The following CACNA2D3 variants were observed in gnomAD, a reference collection of about 807,000 sequenced individuals.
CACNA2D3 encodes the protein calcium voltage-gated channel auxiliary subunit alpha2delta 3, also known as voltage-dependent calcium channel subunit alpha-2/delta-3.
In CACNA2D3, 60 loss-of-function variants were observed where a neutral mutation model predicts 160.6. That is an observed-to-expected ratio of 0.37 (90% confidence interval 0.30 to 0.46). The LOEUF (loss-of-function observed/expected upper bound fraction) is 0.46, where lower values mean the gene tolerates loss of function less well. Ranked by LOEUF, CACNA2D3 falls within the 20% of genes least tolerant of loss-of-function variation. The probability of loss-of-function intolerance (pLI) is 1.00; values close to 1 mark genes in which losing one functional copy is unlikely to be tolerated. For missense variants in CACNA2D3, 1,205 were observed against 1,365.0 expected, an observed-to-expected ratio of 0.88 and a Z score of 1.85; for synonymous variants, 558 against 492.9, an observed-to-expected ratio of 1.13 and a Z score of -1.75.
intron 35 of CACNA2D3, among the ~76,000 whole-genome samples, chr3:55,040,337 A>T (rs568091886): frequency 1.3e-5 from 2 of 152,290 alleles, no homozygotes; most frequent in Admixed American, 1.3e-4. Flanking sequence ...TTACACTAAA[A>T]ATCTCACTTC....
At chr3:54,392,206 T>A (rs1699294151) in intron 4 of CACNA2D3, among the ~76,000 whole-genome samples, 1 of 152,178 alleles carries the variant, frequency 6.6e-6, no homozygotes. Context: ...TTGATGAATT[T>A]CCAGAAAATT....
chr3:54,406,281 TAGAG>T (rs1699574997), intron 4 of CACNA2D3, among the ~76,000 whole-genome samples: 1 of 152,080 alleles, frequency 6.6e-6, no homozygotes, highest in African/African-American at 2.4e-5. Flanking sequence ...ATAGCCATGA[TAGAG>T]AAACAACCTA....
chr3:54,128,477 T>A (rs370289985), intron 2 of CACNA2D3, among the ~76,000 whole-genome samples: 2 of 152,172 alleles, frequency 1.3e-5, no homozygotes, highest in East Asian at 3.9e-4. Context: ...CCCACTTACA[T>A]TGATCAATCC....
chr3:54,815,749 A>G (rs1160054031), intron 13 of CACNA2D3, among the ~76,000 whole-genome samples: 1 of 152,216 alleles, frequency 6.6e-6, no homozygotes, highest in Non-Finnish European at 1.5e-5. Context: ...TCTGTAAAAC[A>G]GGGATACCTA....
At chr3:55,041,568 A>G (rs1703960958) in intron 35 of CACNA2D3, among the ~76,000 whole-genome samples, 1 of 152,174 alleles carries the variant, frequency 6.6e-6, no homozygotes, top group African/African-American at 2.4e-5. Flanking sequence ...TTATAATGAA[A>G]TGTGTTGCAA....
At chr3:55,003,489 A>C (rs1017553882) in intron 31 of CACNA2D3, among the ~76,000 whole-genome samples, 2 of 152,170 alleles carry the variant, frequency 1.3e-5, no homozygotes, top group African/African-American at 2.4e-5. Flanking sequence ...AAGGCACACA[A>C]AATTTATTTT....
intron 2 of CACNA2D3, among the ~76,000 whole-genome samples, chr3:54,149,350 C>A (rs1222651552): frequency 6.6e-6 from 1 of 152,082 alleles, no homozygotes; most frequent in Non-Finnish European, 1.5e-5. Context: ...CCACCAGCCA[C>A]CTCTTGGCTG....
intron 13 of CACNA2D3, among the ~76,000 whole-genome samples, chr3:54,791,520 A>G (rs1702757638): frequency 6.6e-6 from 1 of 152,246 alleles, no homozygotes; most frequent in African/African-American, 2.4e-5. Context: ...TCTAGCTTTT[A>G]ACCAAACCGT....
intron 8 of CACNA2D3, 103 bp from the exon 9 acceptor site, chr3:54,581,700 G>T (rs938788699): frequency 9.3e-6 from 8 of 857,938 alleles, no homozygotes; most frequent in Non-Finnish European, 1.5e-5. Flanking sequence ...TGGAGCCTGT[G>T]ATTGTGCCGC....
intron 2 of CACNA2D3, among the ~76,000 whole-genome samples, chr3:54,287,136 T>C (rs1703051929): frequency 6.6e-6 from 1 of 151,812 alleles, no homozygotes; most frequent in Non-Finnish European, 1.5e-5. Context: ...GACTGGCAAA[T>C]TGGATAAAGA....
At chr3:55,056,424 T>C (rs1414138477) in intron 35 of CACNA2D3, among the ~76,000 whole-genome samples, 1 of 152,146 alleles carries the variant, frequency 6.6e-6, no homozygotes, top group African/African-American at 2.4e-5. Flanking sequence ...AAAATAGAAT[T>C]ACCGTAAGTT....
rs1002711759 is a variant in CACNA2D3 at position 54,554,505 on chromosome 3, C to T, written c.545-8295C>T. On this transcript the variant is annotated intron_variant, in intron 5 of 37. Coordinates refer to ENST00000474759, the MANE Select transcript of CACNA2D3 (RefSeq NM_018398.3). ...TAGTCTCAGGACAGCTGAACTGCTG[C>T]GGGTGGGGAGTTGGAGGCTTCCACT... 5.3e-5 allele frequency among the ~76,000 whole-genome samples: 8 copies of T among 152,146 alleles called. No homozygotes were observed. In the South Asian group the frequency reaches 8.3e-4, roughly 16 times the overall value.
intron 12 of CACNA2D3, among the ~76,000 whole-genome samples, chr3:54,759,480 CAAAA>C (rs79206974): frequency 9.8e-6 from 1 of 101,988 alleles, no homozygotes; most frequent in Non-Finnish European, 2.2e-5. Context: ...ATTTAAAAAC[CAAAA>C]AAAAAAAAAA....
chr3:54,974,690 G>A (rs1488789757), intron 29 of CACNA2D3, among the ~76,000 whole-genome samples: 2 of 152,186 alleles, frequency 1.3e-5, no homozygotes, highest in Admixed American at 6.5e-5. Context: ...ACTTCCCTCT[G>A]TGCTCTCCAC....
chr3:54,381,331 G>T (rs565882591), intron 3 of CACNA2D3, among the ~76,000 whole-genome samples: 1 of 151,822 alleles, frequency 6.6e-6, no homozygotes, highest in Admixed American at 6.6e-5. Context: ...TTCTTTATTT[G>T]TACACAATTT....
chr3:54,866,984 G>C (rs760647423), intron 17 of CACNA2D3, among the ~76,000 whole-genome samples: 7 of 152,070 alleles, frequency 4.6e-5, no homozygotes, highest in Non-Finnish European at 8.8e-5. Context: ...CGTAAAACAG[G>C]CACCAAAAAC....
At chr3:54,919,126 A>G (rs559181817) in intron 27 of CACNA2D3, among the ~76,000 whole-genome samples, 6 of 152,220 alleles carry the variant, frequency 3.9e-5, no homozygotes, top group African/African-American at 1.4e-4. Flanking sequence ...AGAATTCATT[A>G]GAAGCCCAGT....
intron 12 of CACNA2D3, among the ~76,000 whole-genome samples, chr3:54,763,898 G>T (rs1345117449): frequency 2.8e-3 from 2 of 724 alleles, no homozygotes; most frequent in African/African-American, 4.9e-3. Flanking sequence ...TATGTATGTG[G>T]GGGGGGGGGG....
intron 11 of CACNA2D3, among the ~76,000 whole-genome samples, chr3:54,659,279 A>AACTGTGGTGAACG (rs1699927042): frequency 6.6e-6 from 1 of 152,234 alleles, no homozygotes; most frequent in Non-Finnish European, 1.5e-5. Flanking sequence ...GGTGCCTGGC[A>AACTGTGGTGAACG]CACAGTGTGC....
Sources: allele counts gnomAD v4.1 joint callset (sites outside exome capture counted in the v4.1 genomes callset), GRCh38; gene constraint gnomAD v4.1.1; transcripts MANE v1.5; gene names NCBI Gene and HGNC (gene_info 2026-07-23, HGNC 2026-07-21).